INTS2: variants seen among roughly 807,000 people sequenced by gnomAD.
The protein encoded by INTS2 is integrator complex subunit 2, also known as KIAA1287.
INTS2 carries 57 observed loss-of-function variants against 139.6 expected under a neutral mutation model. The observed-to-expected ratio is 0.41, with a 90% CI of 0.33 to 0.51. The LOEUF (loss-of-function observed/expected upper bound fraction) is 0.51. INTS2 is among the 20% of genes least tolerant of loss of function. INTS2 has a pLI of 0.28. For synonymous variants in INTS2, 473 were observed against 493.4 expected (o/e 0.96, Z 0.55); for missense variants, 1,196 against 1,436.7 (o/e 0.83, Z 2.71).
Position 61,897,127 on chromosome 17 carries a change from T to G in INTS2, c.1494+342A>C, listed in dbSNP as rs2079357404. Among the ~76,000 whole-genome samples, 1 of 152,186 alleles carries G rather than the reference T, an allele frequency of 6.6e-6. No individual in the cohort carries two copies. The highest frequency in any genetic ancestry group is 1.5e-5 in the Non-Finnish European group (1 of 68,018). ...TACTGTATTATAATATTTATTGATA[T>G]GAGTAAATGCTCATCATATATTAAT... On this transcript the variant is annotated intron_variant, in intron 11 of 24. Coordinates refer to ENST00000251334, the MANE Select transcript of INTS2 (RefSeq NM_001351695.2). The surrounding 1 kb of genome is among the most constrained non-coding windows in gnomAD (Gnocchi z 4.4).
At chr17:61,901,694 G>A (rs2079408215) in intron 9 of INTS2, among the ~76,000 whole-genome samples, 1 of 138,672 alleles carries the variant, frequency 7.2e-6, no homozygotes, top group Non-Finnish European at 1.5e-5. Context: ...CTGCCTCCCA[G>A]GTTCACGCCA....
chr17:61,926,143 A>G (rs1029178261), intron 2 of INTS2, among the ~76,000 whole-genome samples: 1 of 152,246 alleles, frequency 6.6e-6, no homozygotes, highest in East Asian at 1.9e-4. Flanking sequence ...GCCCACATAC[A>G]ACAGCACATT....
intron 9 of INTS2, among the ~76,000 whole-genome samples, chr17:61,900,029 T>G (rs143407726): frequency 1.8e-4 from 27 of 152,040 alleles, no homozygotes; most frequent in Admixed American, 1.7e-3. Flanking sequence ...ATCCTGAAAC[T>G]CCATTAAAGC....
chr17:61,887,428 A>G (rs1397592502), intron 15 of INTS2, among the ~76,000 whole-genome samples: 1 of 148,014 alleles, frequency 6.8e-6, no homozygotes, highest in East Asian at 2.1e-4. Flanking sequence ...GGTTGCAGTG[A>G]GCTGAGATCG....
At chr17:61,912,213 A>T in intron 5 of INTS2, 143 bp from the exon 6 acceptor site, 1 of 781,694 alleles carries the variant, frequency 1.3e-6, no homozygotes. Context: ...AAAGAGACTT[A>T]AAAAAGAATA....
intron 15 of INTS2, 188 bp from the exon 16 acceptor site, chr17:61,885,193 C>CCTG: frequency 1.8e-6 from 1 of 564,050 alleles, no homozygotes; most frequent in Non-Finnish European, 3.1e-6. Flanking sequence ...AAGAACATAC[C>CCTG]TGGAGCAAGA....
Position 61,867,783 on chromosome 17 carries a change from CT to C in INTS2, c.3421+49del. ...CAAGAAATTTGGAAAGGAATTTGGC[CT>C]TTTTGTTTGAGATATTAAGATAACC... On this transcript the variant is annotated intron_variant, in intron 24 of 24. Transcript: ENST00000251334. This position sits in a 1 kb window ranked among gnomAD's most constrained non-coding sequence, Gnocchi z 5.6. The C allele has an allele frequency of 1.3e-6, 2 of 1,560,464 alleles. No homozygotes were observed. The highest frequency in any genetic ancestry group is 1.7e-6 in the Non-Finnish European group (2 of 1,155,536).
At chr17:61,891,435 G>A in intron 14 of INTS2, 78 bp downstream of exon 14, 1 of 1,125,158 alleles carries the variant, frequency 8.9e-7, no homozygotes, top group Non-Finnish European at 1.3e-6. Context: ...TCCTCTGATA[G>A]GAAAATAAAA....
rs772818858 is a variant in INTS2, at chr17:61,876,631, C to T, written c.2456+1256G>A. On this transcript the variant is annotated intron_variant, in intron 18 of 24. Coordinates refer to ENST00000251334, the MANE Select transcript of INTS2 (RefSeq NM_001351695.2). The surrounding 1 kb of genome is among the most constrained non-coding windows in gnomAD (Gnocchi z 4.1). ...CTAATTTTTGTATTTTTTGTAGAGA[C>T]GGGGTTTCACCATGTTGCCCAAGCT... 6.6e-6 allele frequency among the ~76,000 whole-genome samples: 1 copy of T among 151,836 alleles called. No homozygotes were observed. The highest frequency in any genetic ancestry group is 2.4e-5 in the African/African-American group (1 of 41,336).
At chr17:61,925,882 C>T (rs185059588) in intron 2 of INTS2, among the ~76,000 whole-genome samples, 1 of 151,992 alleles carries the variant, frequency 6.6e-6, no homozygotes, top group African/African-American at 2.4e-5. Context: ...AAAAATTAGC[C>T]GGGCATGGTG....
chr17:61,915,635 G>A lies in INTS2; in HGVS notation c.650-3565C>T, dbSNP rs557213977. On this transcript the variant is annotated intron_variant, in intron 5 of 24. Coordinates refer to ENST00000251334, the MANE Select transcript of INTS2 (RefSeq NM_001351695.2). ...AGATCAAGACCATCCTGGCTAACAC[G>A]GTGAAACCCTGTCTCTAATTAAAAA... Among the ~76,000 whole-genome samples the A allele has an allele frequency of 1.5e-4, 22 of 143,864 alleles. No individual in the cohort carries two copies. In the East Asian group the frequency reaches 2.7e-3, roughly 17 times the overall value. 94.4% of individuals were successfully genotyped at this position (143,864 alleles called of 152,430 possible).
At chr17:61,891,934 A>AAACC (rs2079299109) in intron 13 of INTS2, among the ~76,000 whole-genome samples, 1 of 152,158 alleles carries the variant, frequency 6.6e-6, no homozygotes, top group African/African-American at 2.4e-5. Flanking sequence ...TTAATCTATT[A>AAACC]GTTTTTAAGT....
chr17:61,878,165 C>T, intron 17 of INTS2, 77 bp from the exon 18 acceptor site: 4 of 839,150 alleles, frequency 4.8e-6, no homozygotes, highest in Non-Finnish European at 7.9e-6. Context: ...TTCTCTCAGA[C>T]TATAGACCAA....
At chr17:61,889,020 C>CAAAACCA (rs1567898098) in intron 15 of INTS2, among the ~76,000 whole-genome samples, 1 of 141,032 alleles carries the variant, frequency 7.1e-6, no homozygotes, top group African/African-American at 2.7e-5. Flanking sequence ...GCAAGACTGT[C>CAAAACCA]AAAAACAAAA....
rs1349431488 is a variant in INTS2, at chr17:61,891,687, A to G, written c.1701T>C (p.Asp567=). 1 of 1,603,926 alleles carries G rather than the reference A, an allele frequency of 6.2e-7. No homozygotes were observed. Among genetic ancestry groups the G allele is most frequent in the South Asian group, 1.1e-5 (1 of 89,700 alleles). ...TTTCACACAGCTGTCTATAAATCCA[A>G]TCCTAAGAAAGAATGTTATAGACAC... ...SFTKHKVSIK[D]WIYRQLCETS... is the part of the protein sequence containing the mutation. The change falls in exon 14 of 25, where the codon GAT becomes GAC. Residue 567 remains aspartate (D), a splice_region_variant and synonymous_variant. Transcript: ENST00000251334.
At chr17:61,883,279 G>A (rs1049386828) in intron 16 of INTS2, among the ~76,000 whole-genome samples, 4 of 151,880 alleles carry the variant, frequency 2.6e-5, no homozygotes, top group African/African-American at 9.7e-5. Flanking sequence ...TTGGGAGGCT[G>A]AGTAGGGCTC....
Position 61,893,056 on chromosome 17 carries a change from GAGGTT to G in INTS2, c.1698+704_1698+708del, listed in dbSNP as rs2079312392. On this transcript the variant is annotated intron_variant, in intron 13 of 24. Transcript: ENST00000251334. This position sits in a 1 kb window ranked among gnomAD's most constrained non-coding sequence, Gnocchi z 5.4. ...GAGGACTGCTTGAGCCCAGGAGTTT[GAGGTT>G]ACAGTGAGCTATGACAGCCTGGGCG... is the stretch of plus-strand genomic sequence containing the variant. 6.6e-6 allele frequency among the ~76,000 whole-genome samples: 1 copy of G among 150,524 alleles called. No homozygotes were observed. Among genetic ancestry groups the G allele is most frequent in the Non-Finnish European group, 1.5e-5 (1 of 67,756 alleles).
At chr17:61,877,416 C>T (rs963649530) in intron 18 of INTS2, among the ~76,000 whole-genome samples, 1 of 152,148 alleles carries the variant, frequency 6.6e-6, no homozygotes, top group African/African-American at 2.4e-5. Flanking sequence ...TGACTAAAGA[C>T]AAACTTTGCT....
At position 61,912,066 on chromosome 17, in the gene INTS2, A is replaced by G. The variant is rs765978792; in HGVS notation, c.654T>C (p.Cys218=). The G allele has an allele frequency of 8.7e-6, 14 of 1,613,164 alleles. No homozygotes were observed. The highest frequency in any genetic ancestry group is 1.6e-4 in the Middle Eastern group (1 of 6,084). Residue 218 remains cysteine (C), a synonymous_variant, in exon 6 of 25, where the codon TGT becomes TGC. Transcript: ENST00000251334. The part of the protein sequence containing the change: ...ANVPDSFNEV[C]RGLIKNGERQ... The stretch of plus-strand genomic sequence containing the variant: ...GTTCTCCATTTTTTATCAGGCCCCT[A>G]CAAACTAACATGATAGAAACCATCT...
Sources: gnomAD v4.1 joint callset for allele counts (sites outside exome capture counted in the v4.1 genomes callset) on GRCh38, gnomAD v4.1.1 for gene constraint, Gnocchi (gnomAD v3.1) non-coding constraint, MANE v1.5 for transcripts, NCBI Gene and HGNC (gene_info 2026-07-23, HGNC 2026-07-21) for gene names.